The following CSMD1 variants were observed in gnomAD, a reference collection of about 807,000 sequenced individuals.
The protein encoded by CSMD1 is CUB and Sushi multiple domains 1, also known as CUB and sushi domain-containing protein 1.
Under a neutral mutation model 417.5 loss-of-function variants are expected in CSMD1, and 213 were observed. The observed-to-expected ratio is 0.51, with a 90% CI of 0.46 to 0.57. The LOEUF (loss-of-function observed/expected upper bound fraction) is 0.57, where lower values mean the gene tolerates loss of function less well. Among genes scored for constraint, CSMD1 ranks in the 20% least tolerant of loss-of-function variants. The probability of loss-of-function intolerance (pLI) is 0.00; values close to 1 mark genes in which losing one functional copy is unlikely to be tolerated. For missense variants in CSMD1, 6,923 were observed against 4,529.7 expected (o/e 1.53, Z -15.17); for synonymous variants, 2,862 against 1,736.8 (o/e 1.65, Z -16.11).
chr8:3,160,393 G>T (rs578205547), intron 38 of CSMD1, among the ~76,000 whole-genome samples: 37 of 152,168 alleles, frequency 2.4e-4, no homozygotes, highest in Non-Finnish European at 5.0e-4. Context: ...AAAGTGCTGG[G>T]ATTACAGGTG....
intron 1 of CSMD1, among the ~76,000 whole-genome samples, chr8:4,747,062 C>T (rs114636568): frequency 1.9e-4 from 29 of 152,216 alleles, no homozygotes; most frequent in African/African-American, 6.7e-4. Context: ...AATGGATCAC[C>T]ATCCTCTGGG....
intron 25 of CSMD1, among the ~76,000 whole-genome samples, chr8:3,288,816 T>C (rs1025927863): frequency 6.8e-6 from 1 of 147,378 alleles, no homozygotes; most frequent in Non-Finnish European, 1.5e-5. Context: ...CCTATAATTG[T>C]ATTTCTTTTA....
intron 3 of CSMD1, among the ~76,000 whole-genome samples, chr8:4,284,970 C>G (rs1381599739): frequency 6.6e-6 from 1 of 152,198 alleles, no homozygotes; most frequent in African/African-American, 2.4e-5. Flanking sequence ...CTCACCTCAC[C>G]TCGCCTCACC....
chr8:3,145,465 A>T (rs769981774), intron 40 of CSMD1, among the ~76,000 whole-genome samples: 3 of 152,208 alleles, frequency 2.0e-5, no homozygotes, highest in Non-Finnish European at 4.4e-5. Context: ...CCAACGTCTC[A>T]AAAGTACAGG....
chr8:4,191,230 A>C (rs1452624814), intron 3 of CSMD1, among the ~76,000 whole-genome samples: 1 of 152,072 alleles, frequency 6.6e-6, no homozygotes, highest in Non-Finnish European at 1.5e-5. Flanking sequence ...CCCCATCTGT[A>C]CTAAAAACAC....
chr8:3,258,420 T>G (rs141034460), intron 26 of CSMD1, among the ~76,000 whole-genome samples: 26 of 152,288 alleles, frequency 1.7e-4, no homozygotes, highest in African/African-American at 5.8e-4. Context: ...TTACAATGGC[T>G]ATTACTGAAA....
At chr8:4,150,406 CTCTTA>C (rs1490855495) in intron 3 of CSMD1, among the ~76,000 whole-genome samples, 1 of 152,198 alleles carries the variant, frequency 6.6e-6, no homozygotes, top group Admixed American at 6.5e-5. Context: ...AATGTGGACT[CTCTTA>C]TCTTTGGATG....
intron 11 of CSMD1, among the ~76,000 whole-genome samples, chr8:3,475,399 A>G (rs1322814677): frequency 6.6e-6 from 1 of 152,238 alleles, no homozygotes; most frequent in African/African-American, 2.4e-5. Flanking sequence ...CACTGTATTC[A>G]TTATACAGCT....
chr8:4,288,646 C>A (rs116908435), intron 3 of CSMD1, among the ~76,000 whole-genome samples: 1 of 152,124 alleles, frequency 6.6e-6, no homozygotes, highest in East Asian at 1.9e-4. Flanking sequence ...CCAACTCTGC[C>A]GCCCTCCCCA....
intron 20 of CSMD1, 151 bp downstream of exon 20, chr8:3,366,881 C>G (rs1434028405): frequency 2.9e-6 from 2 of 689,198 alleles, no homozygotes; most frequent in East Asian, 5.4e-5. Flanking sequence ...GGCTCAGCCT[C>G]CTGCACCCCA....
intron 3 of CSMD1, among the ~76,000 whole-genome samples, chr8:4,069,953 G>C (rs757595115): frequency 4.6e-5 from 7 of 151,848 alleles, no homozygotes; most frequent in Non-Finnish European, 4.4e-5. Context: ...TTTTCTGTTT[G>C]TCTTCTCTAC....
chr8:3,526,175 T>A (rs1036844522), intron 10 of CSMD1, among the ~76,000 whole-genome samples: 1 of 152,180 alleles, frequency 6.6e-6, no homozygotes, highest in Admixed American at 6.5e-5. Context: ...GTGGCATATA[T>A]CATATTTCTG....
chr8:3,104,956 T>G (rs917820065), intron 46 of CSMD1, among the ~76,000 whole-genome samples: 6 of 152,164 alleles, frequency 3.9e-5, no homozygotes, highest in African/African-American at 9.7e-5. Flanking sequence ...TCCACCCACC[T>G]CGGCCTCACA....
chr8:4,765,437 C>T (rs1812400941), intron 1 of CSMD1, among the ~76,000 whole-genome samples: 1 of 152,160 alleles, frequency 6.6e-6, no homozygotes, highest in African/African-American at 2.4e-5. Context: ...TATACTGTTT[C>T]AAAGCGTAAT....
intron 3 of CSMD1, among the ~76,000 whole-genome samples, chr8:4,260,632 C>G (rs192925852): frequency 1.2e-3 from 183 of 152,178 alleles, no homozygotes; most frequent in Non-Finnish European, 2.3e-3. Context: ...TGATATTATT[C>G]ATAAGTCCTT....
intron 3 of CSMD1, among the ~76,000 whole-genome samples, chr8:4,043,525 G>C (rs552406723): frequency 6.8e-4 from 103 of 152,276 alleles, no homozygotes; most frequent in Non-Finnish European, 1.3e-3. Flanking sequence ...ATAGATAACA[G>C]TAAAATAATG....
intron 2 of CSMD1, among the ~76,000 whole-genome samples, chr8:4,422,108 T>C (rs1443229332): frequency 2.0e-5 from 3 of 152,080 alleles, no homozygotes; most frequent in African/African-American, 4.8e-5. Context: ...AAATACATAA[T>C]ATGAATTATC....
intron 5 of CSMD1, among the ~76,000 whole-genome samples, chr8:3,920,348 T>C (rs1809148856): frequency 6.8e-6 from 1 of 147,202 alleles, no homozygotes. Flanking sequence ...TTTTCTAAGA[T>C]GCGTGTGTGT....
intron 1 of CSMD1, among the ~76,000 whole-genome samples, chr8:4,974,870 T>C (rs765750760): frequency 2.0e-5 from 3 of 152,120 alleles, no homozygotes; most frequent in Non-Finnish European, 2.9e-5. Context: ...ATGTTGCAAC[T>C]GTATCAACTT....
Sources: gnomAD v4.1 joint callset for allele counts (sites outside exome capture counted in the v4.1 genomes callset) on GRCh38, gnomAD v4.1.1 for gene constraint, MANE v1.5 for transcripts, NCBI Gene and HGNC (gene_info 2026-07-23, HGNC 2026-07-21) for gene names.